The following CHSY3 variants were observed in gnomAD, a reference collection of about 807,000 sequenced individuals.
CHSY3 encodes the protein chondroitin sulfate synthase 3.
CHSY3 carries 35 observed loss-of-function variants against 67.2 expected under a neutral mutation model. The ratio of observed to expected loss-of-function variants is 0.52; its 90% CI spans 0.40 to 0.69. The LOEUF is 0.69. CHSY3 is among the 30% of genes least tolerant of loss of function. The pLI is 0.00. For synonymous variants in CHSY3, 474 were observed against 434.7 expected (o/e 1.09, Z -1.12); for missense variants, 1,069 against 1,138.5 (o/e 0.94, Z 0.88).
At chr5:129,922,045 AGTT>A (rs919810371) in intron 2 of CHSY3, among the ~76,000 whole-genome samples, 6 of 152,092 alleles carry the variant, frequency 3.9e-5, no homozygotes, top group South Asian at 2.1e-4. Flanking sequence ...CGTCTTCATG[AGTT>A]GTTGTTTTAA....
chr5:129,981,527 T>C (rs1337015363), intron 2 of CHSY3, among the ~76,000 whole-genome samples: 1 of 152,026 alleles, frequency 6.6e-6, no homozygotes, highest in Non-Finnish European at 1.5e-5. Context: ...ATTTTTTATA[T>C]TTAATTTTGG....
intron 2 of CHSY3, among the ~76,000 whole-genome samples, chr5:129,987,078 A>G (rs1383072262): frequency 6.6e-6 from 1 of 152,228 alleles, no homozygotes; most frequent in East Asian, 1.9e-4. Flanking sequence ...TTGTTTCATT[A>G]AAGTTCCTTT....
intron 2 of CHSY3, among the ~76,000 whole-genome samples, chr5:129,999,528 A>G (rs1031908116): frequency 6.6e-6 from 1 of 152,156 alleles, no homozygotes; most frequent in Non-Finnish European, 1.5e-5. Context: ...AAGAAGGTCC[A>G]TGAACACTCT....
intron 2 of CHSY3, among the ~76,000 whole-genome samples, chr5:129,964,227 A>T (rs1327763392): frequency 1.3e-5 from 2 of 151,842 alleles, no homozygotes; most frequent in African/African-American, 4.8e-5. Context: ...AACTGACTGA[A>T]GGTCTGATTT....
chr5:130,109,833 C>T (rs1398668120), intron 2 of CHSY3, among the ~76,000 whole-genome samples: 1 of 151,762 alleles, frequency 6.6e-6, no homozygotes, highest in Non-Finnish European at 1.5e-5. Context: ...TTTTATACAT[C>T]ATCTCATGTA....
At chr5:130,177,333 T>C (rs1226866053) in intron 2 of CHSY3, among the ~76,000 whole-genome samples, 1 of 152,062 alleles carries the variant, frequency 6.6e-6, no homozygotes, top group African/African-American at 2.4e-5. Flanking sequence ...TCTTTTTGCC[T>C]TCTGACCTGC....
At chr5:130,027,447 T>A (rs1764578088) in intron 2 of CHSY3, among the ~76,000 whole-genome samples, 1 of 152,040 alleles carries the variant, frequency 6.6e-6, no homozygotes, top group Non-Finnish European at 1.5e-5. Flanking sequence ...GCATAATTGT[T>A]TTTTACATCT....
chr5:130,003,296 T>A (rs1205222002), intron 2 of CHSY3, among the ~76,000 whole-genome samples: 1 of 152,238 alleles, frequency 6.6e-6, no homozygotes, highest in Non-Finnish European at 1.5e-5. Context: ...AAAGGGTATT[T>A]AACATCTTTG....
chr5:130,065,093 A>G (rs1371058225), intron 2 of CHSY3, among the ~76,000 whole-genome samples: 3 of 152,158 alleles, frequency 2.0e-5, no homozygotes, highest in Non-Finnish European at 4.4e-5. Context: ...TTATTTTGCT[A>G]CTACGGAGCC....
intron 2 of CHSY3, among the ~76,000 whole-genome samples, chr5:130,069,550 A>T (rs1041547607): frequency 1.3e-5 from 2 of 151,996 alleles, no homozygotes; most frequent in African/African-American, 2.4e-5. Context: ...TTCTCACATA[A>T]TTATTTTTTT....
chr5:130,019,793 T>C (rs1190937342), intron 2 of CHSY3, among the ~76,000 whole-genome samples: 1 of 152,234 alleles, frequency 6.6e-6, no homozygotes, highest in Non-Finnish European at 1.5e-5. Context: ...GCATCTCTCA[T>C]GTCACTAACG....
chr5:130,085,859 C>T (rs572138358), intron 2 of CHSY3, among the ~76,000 whole-genome samples: 236 of 152,196 alleles, frequency 1.6e-3, no homozygotes, highest in African/African-American at 5.4e-3. Context: ...GCCTTCATTT[C>T]GTTATGTACT....
chr5:130,062,975 G>T (rs1765762296), intron 2 of CHSY3, among the ~76,000 whole-genome samples: 1 of 152,012 alleles, frequency 6.6e-6, no homozygotes, highest in Non-Finnish European at 1.5e-5. Context: ...ATAATAAATA[G>T]CTCCTGGATT....
chr5:130,060,615 G>A (rs922029524), intron 2 of CHSY3, among the ~76,000 whole-genome samples: 1 of 152,122 alleles, frequency 6.6e-6, no homozygotes, highest in Non-Finnish European at 1.5e-5. Flanking sequence ...AAGAGAATAA[G>A]TGAAAGTATC....
rs1194325250 is a variant in CHSY3, at chr5:130,143,720, A to G, written c.1087-40509A>G. Among the ~76,000 whole-genome samples, 26 of 110,564 alleles carry G rather than the reference A, an allele frequency of 2.4e-4. 1 individual carries two copies. In the East Asian group the frequency reaches 4.3e-3, roughly 18 times the overall value. The allele number at this position is 110,564 out of a possible 152,430, so 72.5% of individuals were successfully genotyped here. A position where few individuals can be genotyped will look rare whatever the true frequency, so the allele number is the denominator to read the frequency against. ...TCATACCCATAGGGTATATATATAT[A>G]TGTGTGTGTGTGTGTATATATATAT... is the stretch of plus-strand genomic sequence containing the variant. On this transcript the variant is annotated intron_variant, in intron 2 of 2. Transcript: ENST00000305031.
At chr5:130,084,371 T>C (rs568762237) in intron 2 of CHSY3, among the ~76,000 whole-genome samples, 1 of 152,066 alleles carries the variant, frequency 6.6e-6, no homozygotes. Context: ...TGCAATTAGC[T>C]TGATTTGATC....
Position 129,905,295 on chromosome 5 carries a change from G to C in CHSY3, c.466G>C (p.Gly156Arg), listed in dbSNP as rs775342100. The change falls in exon 1 of 3, where the codon GGC becomes CGC. Residue 156 changes from glycine (G) to arginine (R), a missense_variant. Physicochemically the swap from Gly to Arg is moderately radical, Grantham distance 125 (BLOSUM62 -2). Coordinates refer to ENST00000305031, the MANE Select transcript of CHSY3 (RefSeq NM_175856.5). ...RDGRPGSSHN[G>R]SGDGGAAAPS... ...CGGCCGGCCGGGGAGTAGCCACAACGGCAGCGGGGACGGGGGCGCTGCCGC... is the reference window on the plus strand; with the variant it reads ...CGGCCGGCCGGGGAGTAGCCACAACCGCAGCGGGGACGGGGGCGCTGCCGC... 68 of 1,483,262 alleles carry C rather than the reference G, an allele frequency of 4.6e-5. No individual in the cohort carries two copies. Among genetic ancestry groups the C allele is most frequent in the Non-Finnish European group, 5.9e-5 (66 of 1,119,180 alleles). The allele number at this position is 1,483,262 out of a possible 1,614,324, so 91.9% of individuals were successfully genotyped here.
intron 2 of CHSY3, among the ~76,000 whole-genome samples, chr5:130,006,219 C>T (rs1763868786): frequency 1.3e-5 from 2 of 152,090 alleles, no homozygotes; most frequent in African/African-American, 4.8e-5. Flanking sequence ...CAGTAGGAAT[C>T]TGGGTAAAGT....
At chr5:130,075,562 G>C (rs1242423619) in intron 2 of CHSY3, among the ~76,000 whole-genome samples, 1 of 152,048 alleles carries the variant, frequency 6.6e-6, no homozygotes, top group African/African-American at 2.4e-5. Flanking sequence ...CATTATGTAG[G>C]CACTATGAAA....
Sources: gnomAD v4.1 joint callset for allele counts (sites outside exome capture counted in the v4.1 genomes callset) on GRCh38, gnomAD v4.1.1 for gene constraint, MANE v1.5 for transcripts, NCBI Gene and HGNC (gene_info 2026-07-23, HGNC 2026-07-21) for gene names.